FSTL5: variants seen among roughly 807,000 people sequenced by gnomAD.
FSTL5 encodes follistatin like 5, also known as follistatin-related protein 5.
FSTL5 carries 62 observed loss-of-function variants against 89.1 expected under a neutral mutation model. That is an observed-to-expected ratio of 0.70 (90% CI 0.57 to 0.86). The LOEUF (loss-of-function observed/expected upper bound fraction) is 0.86. Among genes scored for constraint, FSTL5 ranks in the 40% least tolerant of loss-of-function variants. The probability of loss-of-function intolerance (pLI) is 0.00; values close to 1 mark genes in which losing one functional copy is unlikely to be tolerated. For synonymous variants in FSTL5, 383 were observed against 346.2 expected, an observed-to-expected ratio of 1.11 and a Z score of -1.18; for missense variants, 1,057 against 1,001.6, an observed-to-expected ratio of 1.06 and a Z score of -0.75.
intron 4 of FSTL5, among the ~76,000 whole-genome samples, chr4:161,830,624 C>A (rs1730814433): frequency 6.6e-6 from 1 of 151,928 alleles, no homozygotes; most frequent in African/African-American, 2.4e-5. Flanking sequence ...GTATATATTG[C>A]AAACTGAACA....
chr4:161,489,958 C>T (rs533778252), intron 12 of FSTL5, among the ~76,000 whole-genome samples: 3 of 152,028 alleles, frequency 2.0e-5, no homozygotes, highest in Admixed American at 6.6e-5. Flanking sequence ...AATTCATTTT[C>T]GCAGCCTGAT....
At chr4:161,518,143 TC>T (rs1730905273) in intron 10 of FSTL5, among the ~76,000 whole-genome samples, 1 of 152,240 alleles carries the variant, frequency 6.6e-6, no homozygotes. Context: ...GATTGTTTCC[TC>T]CTGTGACCAC....
At chr4:161,789,769 G>T (rs923953047) in intron 4 of FSTL5, among the ~76,000 whole-genome samples, 6 of 152,088 alleles carry the variant, frequency 3.9e-5, no homozygotes, top group Non-Finnish European at 8.8e-5. Flanking sequence ...AGGCCTAATA[G>T]AGAGTCAAAC....
At chr4:162,050,246 A>G (rs1738335453) in intron 2 of FSTL5, among the ~76,000 whole-genome samples, 1 of 151,644 alleles carries the variant, frequency 6.6e-6, no homozygotes. Flanking sequence ...AACAAAATTT[A>G]AAGAGACTAA....
chr4:161,926,905 TC>T (rs1468329640), intron 3 of FSTL5, among the ~76,000 whole-genome samples: 1 of 151,930 alleles, frequency 6.6e-6, no homozygotes, highest in East Asian at 1.9e-4. Context: ...TTTCACTGTT[TC>T]CCTTAGAACT....
At chr4:161,811,531 A>G (rs746090972) in intron 4 of FSTL5, among the ~76,000 whole-genome samples, 21 of 152,172 alleles carry the variant, frequency 1.4e-4, no homozygotes, top group Non-Finnish European at 1.9e-4. Flanking sequence ...AAATGACTCT[A>G]TTGAGTAGGG....
intron 6 of FSTL5, among the ~76,000 whole-genome samples, chr4:161,673,447 T>C (rs940114409): frequency 2.0e-5 from 3 of 151,998 alleles, no homozygotes; most frequent in Non-Finnish European, 4.4e-5. Context: ...ATTAAATACA[T>C]TTCTTCCTTA....
chr4:161,917,784 G>T (rs968705197), intron 4 of FSTL5, among the ~76,000 whole-genome samples: 1 of 152,012 alleles, frequency 6.6e-6, no homozygotes, highest in Non-Finnish European at 1.5e-5. Context: ...GCATTTAGAG[G>T]CCATAAAATC....
intron 6 of FSTL5, among the ~76,000 whole-genome samples, chr4:161,726,227 CTTTT>C (rs5863477): frequency 8.8e-6 from 1 of 113,672 alleles, no homozygotes; most frequent in Non-Finnish European, 1.7e-5. Context: ...TTTTCTTTTT[CTTTT>C]TTTTTTTTTT....
chr4:161,968,374 C>G (rs1200608643), intron 3 of FSTL5, among the ~76,000 whole-genome samples: 1 of 151,988 alleles, frequency 6.6e-6, no homozygotes, highest in African/African-American at 2.4e-5. Flanking sequence ...TCATCCTTAT[C>G]TTTGTGATAA....
intron 15 of FSTL5, among the ~76,000 whole-genome samples, chr4:161,390,794 T>C (rs1356826066): frequency 1.3e-5 from 2 of 152,158 alleles, no homozygotes; most frequent in African/African-American, 2.4e-5. Flanking sequence ...TTCTATCTCC[T>C]GGCTTAACAT....
intron 3 of FSTL5, among the ~76,000 whole-genome samples, chr4:161,921,060 G>A (rs940948359): frequency 6.6e-6 from 1 of 152,072 alleles, no homozygotes; most frequent in African/African-American, 2.4e-5. Context: ...ACAGTTGTTC[G>A]AACTATTACA....
chr4:161,553,736 T>C (rs1023413905), intron 8 of FSTL5, among the ~76,000 whole-genome samples: 2 of 151,686 alleles, frequency 1.3e-5, no homozygotes, highest in African/African-American at 4.8e-5. Flanking sequence ...TTGTTAGCTA[T>C]AATGTATAAG....
At chr4:161,794,093 T>C (rs1007730530) in intron 4 of FSTL5, among the ~76,000 whole-genome samples, 2 of 152,074 alleles carry the variant, frequency 1.3e-5, no homozygotes, top group Non-Finnish European at 2.9e-5. Flanking sequence ...AGAAAATAGG[T>C]CTCTCAGAAG....
At chr4:162,108,863 T>A (rs1045309088) in intron 2 of FSTL5, among the ~76,000 whole-genome samples, 1 of 151,972 alleles carries the variant, frequency 6.6e-6, no homozygotes, top group Non-Finnish European at 1.5e-5. Flanking sequence ...AGTCATTTGT[T>A]CGCCATAATT....
At chr4:162,026,332 G>T (rs1265900179) in intron 3 of FSTL5, among the ~76,000 whole-genome samples, 2 of 3,270 alleles carry the variant, frequency 6.1e-4, no homozygotes, top group Non-Finnish European at 1.1e-3. Context: ...TTTTGAGACG[G>T]AGTTTTCCTC....
At chr4:162,044,109 T>G (rs972943103) in intron 2 of FSTL5, among the ~76,000 whole-genome samples, 4 of 152,188 alleles carry the variant, frequency 2.6e-5, no homozygotes, top group African/African-American at 9.6e-5. Flanking sequence ...CCAGAAGGTT[T>G]TTAATTTACT....
chr4:161,467,807 C>T (rs563892597), intron 13 of FSTL5, among the ~76,000 whole-genome samples: 1 of 151,782 alleles, frequency 6.6e-6, no homozygotes, highest in African/African-American at 2.4e-5. Flanking sequence ...TGAAATTATA[C>T]GTGGCTGCAA....
chr4:161,582,559 A>C (rs1025413631), intron 8 of FSTL5, among the ~76,000 whole-genome samples: 4 of 152,210 alleles, frequency 2.6e-5, no homozygotes, highest in Admixed American at 2.6e-4. Context: ...AAAACACCAT[A>C]AAACCAAAGG....
Sources: gnomAD v4.1 joint callset for allele counts (sites outside exome capture counted in the v4.1 genomes callset) on GRCh38, gnomAD v4.1.1 for gene constraint, MANE v1.5 for transcripts, NCBI Gene and HGNC (gene_info 2026-07-23, HGNC 2026-07-21) for gene names.